The following PRKN variants were observed in gnomAD, a reference collection of about 807,000 sequenced individuals.
PRKN encodes the protein parkin RBR E3 ubiquitin protein ligase.
In PRKN, 56 loss-of-function variants were observed where a neutral mutation model predicts 59.5. The ratio of observed to expected loss-of-function variants is 0.94; its 90% CI spans 0.76 to 1.18. PRKN has a LOEUF of 1.18. Ranked by LOEUF, PRKN falls within the 50% of genes most tolerant of loss-of-function variation. The pLI, the probability that PRKN is intolerant of heterozygous loss-of-function variation, is 0.00. For synonymous variants in PRKN, 250 were observed against 222.1 expected (o/e 1.13, Z -1.12); for missense variants, 657 against 596.4 (o/e 1.10, Z -1.06).
At position 161,868,970 on chromosome 6, in the gene PRKN, C is replaced by T. The variant is rs545927514; in HGVS notation, c.735-83062G>A. On this transcript the variant is annotated intron_variant, in intron 6 of 11. Coordinates refer to ENST00000366898, the MANE Select transcript of PRKN (RefSeq NM_004562.3). The stretch of plus-strand genomic sequence containing the variant: ...AAAATTGTTATGGTCCAGCACAGGC[C>T]CTATAAATGGCATAATAAATAGTCT... Among the ~76,000 whole-genome samples the T allele has an allele frequency of 9.5e-4, 144 of 152,100 alleles. 6 individuals are homozygous for T. The South Asian group carries it at 0.029, about 31-fold the overall frequency.
intron 1 of PRKN, among the ~76,000 whole-genome samples, chr6:162,453,193 C>T (rs905519618): frequency 6.6e-6 from 1 of 152,116 alleles, no homozygotes; most frequent in African/African-American, 2.4e-5. Context: ...GGACTTCCTA[C>T]CCTCCTCAGG....
At position 161,361,480 on chromosome 6, in the gene PRKN, C is replaced by CTTTCAGGGGTTACCAAA. The variant is rs1338424729; in HGVS notation, c.1168-1292_1168-1276dup. On this transcript the variant is annotated intron_variant, in intron 10 of 11. Coordinates refer to ENST00000366898, the MANE Select transcript of PRKN (RefSeq NM_004562.3). The surrounding 1 kb of genome is among the most constrained non-coding windows in gnomAD (Gnocchi z 5.2). The stretch of plus-strand genomic sequence containing the variant: ...TGACGCAGCCCAGGAAGGCACTAAA[C>CTTTCAGGGGTTACCAAA]TTTCAGGGGTTACCAAATTTCAGGG... 1.3e-4 allele frequency among the ~76,000 whole-genome samples: 20 copies of CTTTCAGGGGTTACCAAA among 152,282 alleles called. No individual in the cohort carries two copies. The South Asian group carries it at 3.7e-3, about 28-fold the overall frequency.
intron 7 of PRKN, among the ~76,000 whole-genome samples, chr6:161,655,875 CACACACACAT>C (rs1356208209): frequency 2.1e-5 from 1 of 48,244 alleles, no homozygotes; most frequent in African/African-American, 1.7e-4. Context: ...TGCACACACA[CACACACACAT>C]ACACACACAC....
chr6:161,905,647 T>C (rs999812983), intron 6 of PRKN, among the ~76,000 whole-genome samples: 6 of 152,004 alleles, frequency 3.9e-5, no homozygotes, highest in African/African-American at 1.4e-4. Flanking sequence ...TTGGGTTTTA[T>C]TTATATATAT....
In PRKN at chr6:161,566,470, G is replaced by A. The variant is rs968907351; in HGVS notation, c.933+2885C>T. ...CACCCAGGCTGGAGTGCATTGGCAC[G>A]ATATTGGCTCACTGCAACCTCCGCC... On this transcript the variant is annotated intron_variant, in intron 8 of 11. Transcript: ENST00000366898. The surrounding 1 kb of genome is among the most constrained non-coding windows in gnomAD (Gnocchi z 4.1). 1.3e-5 allele frequency among the ~76,000 whole-genome samples: 2 copies of A among 152,086 alleles called. No individual in the cohort carries two copies. The highest frequency in any genetic ancestry group is 2.9e-5 in the Non-Finnish European group (2 of 68,014).
At chr6:162,603,967 C>A (rs1384047341) in intron 1 of PRKN, among the ~76,000 whole-genome samples, 2 of 152,148 alleles carry the variant, frequency 1.3e-5, no homozygotes, top group Admixed American at 6.5e-5. Flanking sequence ...ATCCTTAACA[C>A]TGCGAGGATG....
At chr6:161,912,712 C>T (rs921291701) in intron 6 of PRKN, among the ~76,000 whole-genome samples, 12 of 152,012 alleles carry the variant, frequency 7.9e-5, no homozygotes, top group African/African-American at 2.9e-4. Flanking sequence ...AGTTGGCTGC[C>T]AGCCATCCTC....
intron 5 of PRKN, among the ~76,000 whole-genome samples, chr6:161,988,987 G>A (rs956665345): frequency 2.6e-5 from 4 of 152,010 alleles, no homozygotes; most frequent in African/African-American, 9.7e-5. Context: ...AGCGCACAAC[G>A]TGCAGGTTAG....
intron 1 of PRKN, among the ~76,000 whole-genome samples, chr6:162,726,905 A>C (rs1447160376): frequency 6.6e-6 from 1 of 152,162 alleles, no homozygotes; most frequent in East Asian, 1.9e-4. Flanking sequence ...ACCCTGGAAG[A>C]GAGGACCTTT....
At position 161,577,967 on chromosome 6, in the gene PRKN, A is replaced by G. The variant is rs536077042; in HGVS notation, c.872-8551T>C. On this transcript the variant is annotated intron_variant, in intron 7 of 11. Transcript: ENST00000366898. ...ATATTCATTGATTCTTCATCGAACA[A>G]CTCTTGAGTGTACACTTACTATGCG... Among the ~76,000 whole-genome samples the G allele has an allele frequency of 8.5e-5, 13 of 152,260 alleles. No homozygotes were observed. In the East Asian group the frequency reaches 2.3e-3, roughly 27 times the overall value.
At chr6:162,379,794 T>C (rs1786329520) in intron 2 of PRKN, among the ~76,000 whole-genome samples, 1 of 152,198 alleles carries the variant, frequency 6.6e-6, no homozygotes, top group Non-Finnish European at 1.5e-5. Flanking sequence ...TTTAAAAAAA[T>C]GCTTGTGTAA....
chr6:162,320,799 G>C (rs1223079851), intron 2 of PRKN, among the ~76,000 whole-genome samples: 2 of 151,392 alleles, frequency 1.3e-5, no homozygotes, highest in Admixed American at 6.6e-5. Context: ...ACAAGCCTTG[G>C]GTAAAAGAAG....
intron 1 of PRKN, among the ~76,000 whole-genome samples, chr6:162,647,975 A>AAAAAAAAAC: frequency 7.0e-6 from 1 of 142,684 alleles, no homozygotes; most frequent in African/African-American, 2.5e-5. Context: ...AAAAAAAAAA[A>AAAAAAAAAC]AAGTCTACGG....
At chr6:161,902,013 T>G (rs1231539496) in intron 6 of PRKN, among the ~76,000 whole-genome samples, 2 of 152,114 alleles carry the variant, frequency 1.3e-5, no homozygotes, top group Non-Finnish European at 2.9e-5. Context: ...ACACGGGGCT[T>G]TGCTTCCGAA....
chr6:162,255,624 C>T (rs1222440786), intron 3 of PRKN, among the ~76,000 whole-genome samples: 1 of 152,108 alleles, frequency 6.6e-6, no homozygotes, highest in Non-Finnish European at 1.5e-5. Context: ...GTAAATTCTC[C>T]GAGTCCTAGA....
At chr6:161,920,559 A>C (rs894769297) in intron 6 of PRKN, among the ~76,000 whole-genome samples, 4 of 151,782 alleles carry the variant, frequency 2.6e-5, no homozygotes, top group Admixed American at 1.3e-4. Context: ...GGGAGGCCGA[A>C]GTGGATCACG....
chr6:162,338,589 T>C (rs1783963991), intron 2 of PRKN, among the ~76,000 whole-genome samples: 1 of 152,070 alleles, frequency 6.6e-6, no homozygotes, highest in African/African-American at 2.4e-5. Flanking sequence ...AGTGGCGTGA[T>C]CTCGGCTCAC....
chr6:162,154,209 G>A (rs116689201), intron 4 of PRKN, among the ~76,000 whole-genome samples: 6 of 152,196 alleles, frequency 3.9e-5, no homozygotes, highest in African/African-American at 7.2e-5. Context: ...CACCCGCATC[G>A]CCTCTGCATT....
At chr6:161,605,929 T>A (rs1055628540) in intron 7 of PRKN, among the ~76,000 whole-genome samples, 4 of 152,104 alleles carry the variant, frequency 2.6e-5, no homozygotes, top group African/African-American at 9.7e-5. Context: ...TACAGCAAGA[T>A]GCGGACATGT....
Sources: gnomAD v4.1 joint callset for allele counts (sites outside exome capture counted in the v4.1 genomes callset) on GRCh38, gnomAD v4.1.1 for gene constraint, Gnocchi (gnomAD v3.1) non-coding constraint, MANE v1.5 for transcripts, NCBI Gene and HGNC (gene_info 2026-07-23, HGNC 2026-07-21) for gene names.